The following TAFA5 variants were observed in gnomAD, a reference collection of about 807,000 sequenced individuals.
TAFA5 encodes the protein TAFA chemokine like family member 5, also known as chemokine-like protein TAFA-5.
TAFA5 carries 6 observed loss-of-function variants against 15.3 expected under a neutral mutation model. The ratio of observed to expected loss-of-function variants is 0.39; its 90% CI spans 0.21 to 0.77. The LOEUF (loss-of-function observed/expected upper bound fraction) is 0.77. TAFA5 is among the 30% of genes least tolerant of loss of function. The pLI is 0.41. For synonymous variants in TAFA5, 103 were observed against 80.7 expected, an observed-to-expected ratio of 1.28 and a Z score of -1.48; for missense variants, 161 against 193.1, an observed-to-expected ratio of 0.83 and a Z score of 0.98.
chr22:48,492,710 G>A (rs1018560277), intron 1 of TAFA5, among the ~76,000 whole-genome samples: 1 of 152,206 alleles, frequency 6.6e-6, no homozygotes, highest in South Asian at 2.1e-4. Context: ...TGCATGCTCG[G>A]TGGTCTGCGA....
At chr22:48,702,301 A>G (rs1314531229) in intron 2 of TAFA5, among the ~76,000 whole-genome samples, 6 of 152,086 alleles carry the variant, frequency 3.9e-5, no homozygotes, top group Admixed American at 2.6e-4. Flanking sequence ...CAGGCAGAGA[A>G]AGAGCACTGC....
intron 1 of TAFA5, among the ~76,000 whole-genome samples, chr22:48,501,657 T>C (rs1210650668): frequency 6.6e-6 from 1 of 152,158 alleles, no homozygotes; most frequent in Non-Finnish European, 1.5e-5. Context: ...GGGAATCTGA[T>C]GGGATGCAGT....
At chr22:48,675,834 G>C (rs928490230) in intron 2 of TAFA5, among the ~76,000 whole-genome samples, 1 of 152,246 alleles carries the variant, frequency 6.6e-6, no homozygotes, top group Non-Finnish European at 1.5e-5. Flanking sequence ...ATTGCACACA[G>C]GAGTGCAGCC....
At position 48,605,759 on chromosome 22, in the gene TAFA5, AC is replaced by A. The variant is rs142409861; in HGVS notation, c.113-40837del. Among the ~76,000 whole-genome samples, 776 of 152,256 alleles carry A rather than the reference AC, an allele frequency of 5.1e-3. 45 individuals carry two copies. In the East Asian group the frequency reaches 0.13, roughly 25 times the overall value. On this transcript the variant is annotated intron_variant, in intron 1 of 3. Transcript: ENST00000402357. ...TTGCCCCTCTCACCCTGTGACATGTACTGAAAATGATTAACATTCACTTAGA... is the reference window on the plus strand; with the variant it reads ...TTGCCCCTCTCACCCTGTGACATGTATGAAAATGATTAACATTCACTTAGA...
chr22:48,677,821 C>T (rs1005871841), intron 2 of TAFA5, among the ~76,000 whole-genome samples: 6 of 152,172 alleles, frequency 3.9e-5, no homozygotes, highest in African/African-American at 7.2e-5. Context: ...CTACAGGCAG[C>T]TGTCCTGGCC....
At chr22:48,565,755 G>A (rs1923387214) in intron 1 of TAFA5, among the ~76,000 whole-genome samples, 1 of 152,264 alleles carries the variant, frequency 6.6e-6, no homozygotes, top group Non-Finnish European at 1.5e-5. Context: ...TGCCTTATGG[G>A]ACTAGAATTG....
At chr22:48,638,527 C>T (rs1043270891) in intron 1 of TAFA5, among the ~76,000 whole-genome samples, 3 of 133,168 alleles carry the variant, frequency 2.3e-5, no homozygotes, top group South Asian at 2.7e-4. Flanking sequence ...GGGGGGACCC[C>T]AACACTAAGC....
intron 1 of TAFA5, among the ~76,000 whole-genome samples, chr22:48,581,486 A>G (rs918842013): frequency 6.7e-6 from 1 of 149,048 alleles, no homozygotes; most frequent in Non-Finnish European, 1.5e-5. Context: ...TTTATTCCCC[A>G]CTCGGTGGTC....
intron 1 of TAFA5, among the ~76,000 whole-genome samples, chr22:48,548,524 G>T (rs1263617829): frequency 6.6e-6 from 1 of 152,240 alleles, no homozygotes; most frequent in Non-Finnish European, 1.5e-5. Flanking sequence ...CTGTGGGTCA[G>T]CTACAGTGGG....
At chr22:48,622,151 CA>C (rs1925860933) in intron 1 of TAFA5, among the ~76,000 whole-genome samples, 1 of 152,152 alleles carries the variant, frequency 6.6e-6, no homozygotes, top group African/African-American at 2.4e-5. Flanking sequence ...CATGAGAACC[CA>C]GGGGTACCGG....
chr22:48,718,574 C>G (rs987362660), intron 3 of TAFA5, among the ~76,000 whole-genome samples: 7 of 152,252 alleles, frequency 4.6e-5, no homozygotes, highest in Admixed American at 2.6e-4. Context: ...CCAGAGCACT[C>G]CCCAGAGTAC....
intron 2 of TAFA5, among the ~76,000 whole-genome samples, chr22:48,672,466 A>AG (rs1385201256): frequency 6.6e-6 from 1 of 152,256 alleles, no homozygotes; most frequent in Non-Finnish European, 1.5e-5. Flanking sequence ...GGGAAAAAAA[A>AG]TGGGTGAGAT....
At chr22:48,614,679 T>G (rs1333725125) in intron 1 of TAFA5, among the ~76,000 whole-genome samples, 1 of 152,192 alleles carries the variant, frequency 6.6e-6, no homozygotes, top group African/African-American at 2.4e-5. Context: ...CCTCTGAGAT[T>G]CCATGCGTCC....
At chr22:48,542,035 A>T (rs1922393682) in intron 1 of TAFA5, among the ~76,000 whole-genome samples, 1 of 151,648 alleles carries the variant, frequency 6.6e-6, no homozygotes, top group African/African-American at 2.4e-5. Flanking sequence ...GGGTGTTCAG[A>T]TTGGAGGGGC....
chr22:48,707,115 A>G (rs917305525), intron 2 of TAFA5, among the ~76,000 whole-genome samples: 3 of 147,364 alleles, frequency 2.0e-5, no homozygotes, highest in African/African-American at 4.9e-5. Flanking sequence ...GAGGCTTGAC[A>G]TGGCTGGTGC....
chr22:48,643,932 G>A (rs539943680), intron 1 of TAFA5, among the ~76,000 whole-genome samples: 128 of 152,350 alleles, frequency 8.4e-4, no homozygotes, highest in African/African-American at 2.6e-3. Context: ...AGCAGCTGGG[G>A]ACCATCCTCA....
chr22:48,584,503 C>CCA (rs372447681), intron 1 of TAFA5, among the ~76,000 whole-genome samples: 16,662 of 148,024 alleles, frequency 0.11, 1,053 homozygotes, highest in East Asian at 0.21. Context: ...ACAAAATACA[C>CCA]CACACACACA....
intron 2 of TAFA5, among the ~76,000 whole-genome samples, chr22:48,689,052 T>G (rs1007242584): frequency 6.6e-6 from 1 of 151,102 alleles, no homozygotes; most frequent in Admixed American, 6.6e-5. Flanking sequence ...GTTTAACTGC[T>G]AAGCACAACA....
At chr22:48,618,580 G>A (rs964759031) in intron 1 of TAFA5, among the ~76,000 whole-genome samples, 2 of 152,182 alleles carry the variant, frequency 1.3e-5, no homozygotes, top group African/African-American at 2.4e-5. Context: ...GGAAGTCCTG[G>A]AGGCAGCGTG....
Sources: allele counts gnomAD v4.1 joint callset (sites outside exome capture counted in the v4.1 genomes callset), GRCh38; gene constraint gnomAD v4.1.1; transcripts MANE v1.5; gene names NCBI Gene and HGNC (gene_info 2026-07-23, HGNC 2026-07-21).